USH2A: variants seen among roughly 807,000 people sequenced by gnomAD.
USH2A encodes Usher syndrome 2A (autosomal recessive, mild).
In USH2A, 443 loss-of-function variants were observed where a neutral mutation model predicts 538.9. The observed-to-expected ratio is 0.82, with a 90% CI of 0.76 to 0.89. The LOEUF is 0.89. Ranked by LOEUF, USH2A falls within the 40% of genes least tolerant of loss-of-function variation. The pLI, the probability that USH2A is intolerant of heterozygous loss-of-function variation, is 0.00. For missense variants in USH2A, 6,633 were observed against 6,324.8 expected (o/e 1.05, Z -1.65); for synonymous variants, 2,413 against 2,273.5 (o/e 1.06, Z -1.75).
At chr1:215,799,402 T>C (rs1028865604) in intron 49 of USH2A, among the ~76,000 whole-genome samples, 1 of 152,160 alleles carries the variant, frequency 6.6e-6, no homozygotes, top group African/African-American at 2.4e-5. Context: ...TGTGGCATTA[T>C]AGAAAAACAT....
intron 4 of USH2A, among the ~76,000 whole-genome samples, chr1:216,342,238 A>G (rs2038090134): frequency 6.6e-6 from 1 of 152,224 alleles, no homozygotes; most frequent in Non-Finnish European, 1.5e-5. Context: ...AAACATTTTT[A>G]AAAAGCTTAA....
In USH2A at chr1:215,647,763, G is replaced by A. The variant is rs374304512; in HGVS notation, c.14583-33C>T. ...GAGAATGGATACGTAGAGTCAAGAC[G>A]GGTAATGGAATTAGTTTAACTCTCT... is the stretch of plus-strand genomic sequence containing the variant. On this transcript the variant is annotated intron_variant, in intron 66 of 71. Coordinates refer to ENST00000307340, the MANE Select transcript of USH2A (RefSeq NM_206933.4). The A allele has an allele frequency of 4.0e-4, 643 of 1,608,168 alleles. 1 individual carries two copies. Among genetic ancestry groups the A allele is most frequent in the Non-Finnish European group, 5.1e-4 (595 of 1,175,138 alleles).
At chr1:216,291,185 G>C (rs904071665) in intron 10 of USH2A, among the ~76,000 whole-genome samples, 2 of 151,958 alleles carry the variant, frequency 1.3e-5, no homozygotes, top group African/African-American at 4.8e-5. Context: ...TGGCTCCAGA[G>C]TCCTCTATGA....
At chr1:215,839,029 C>A (rs578236479) in intron 46 of USH2A, among the ~76,000 whole-genome samples, 6 of 152,116 alleles carry the variant, frequency 3.9e-5, no homozygotes, top group Admixed American at 3.3e-4. Flanking sequence ...CTTGTATTTA[C>A]TAGATATGCT....
At chr1:215,731,100 C>T (rs530056764) in intron 60 of USH2A, among the ~76,000 whole-genome samples, 10 of 152,248 alleles carry the variant, frequency 6.6e-5, no homozygotes, top group African/African-American at 2.2e-4. Flanking sequence ...TAAACTCTCA[C>T]GAATTCCCAA....
At chr1:215,926,765 C>T (rs2102493166) in intron 38 of USH2A, among the ~76,000 whole-genome samples, 1 of 151,968 alleles carries the variant, frequency 6.6e-6, no homozygotes, top group East Asian at 1.9e-4. Context: ...TTACAACATG[C>T]CCGGCTAAGT....
At chr1:216,345,794 C>A (rs1235669151) in intron 4 of USH2A, among the ~76,000 whole-genome samples, 1 of 152,098 alleles carries the variant, frequency 6.6e-6, no homozygotes, top group East Asian at 1.9e-4. Context: ...GGAGCTTGAC[C>A]TTGTGACCAC....
In USH2A at chr1:215,846,080, A is replaced by AG. The variant is rs756750921; in HGVS notation, c.8846-48dup. On this transcript the variant is annotated intron_variant, in intron 44 of 71. Coordinates refer to ENST00000307340, the MANE Select transcript of USH2A (RefSeq NM_206933.4). The stretch of plus-strand genomic sequence containing the variant: ...CATGGTGAATGTAGCTGAGGCTTTC[A>AG]GGGGAAAAAAAAAATTCTATCATTA... 1.2e-4 allele frequency: 187 copies of AG among 1,573,160 alleles called. 1 individual carries two copies. In the East Asian group the frequency reaches 4.2e-3, roughly 35 times the overall value.
chr1:215,836,808 G>A (rs1046406139), intron 47 of USH2A, among the ~76,000 whole-genome samples: 9 of 149,988 alleles, frequency 6.0e-5, no homozygotes, highest in Admixed American at 4.0e-4. Context: ...CGCCCGCCTC[G>A]GCCTCCCAAA....
rs1366803281 is a variant in USH2A, at chr1:216,174,075, CAGTT to C, written c.4627+1173_4627+1176del. 10 of 984,950 alleles carry C rather than the reference CAGTT, an allele frequency of 1.0e-5. No individual in the cohort carries two copies. The South Asian group carries it at 4.2e-4, about 42-fold the overall frequency. The allele number at this position is 984,950 out of a possible 1,614,324, so 61.0% of individuals were successfully genotyped here. ...ATCATGCATTAATCTCAATATATCT[CAGTT>C]AGAATATAATCATGATTCATTACCA... On this transcript the variant is annotated intron_variant, in intron 21 of 71. Transcript: ENST00000307340.
intron 32 of USH2A, among the ~76,000 whole-genome samples, chr1:216,020,948 CTG>C (rs1668831298): frequency 6.6e-6 from 1 of 152,134 alleles, no homozygotes; most frequent in African/African-American, 2.4e-5. Context: ...GAACCCAAGA[CTG>C]TGTAGCTCAG....
chr1:216,133,533 A>G (rs778830568), intron 21 of USH2A, among the ~76,000 whole-genome samples: 6 of 152,098 alleles, frequency 3.9e-5, no homozygotes, highest in Non-Finnish European at 5.9e-5. Context: ...ATGTGTGCGT[A>G]GCTCCCTCAT....
intron 3 of USH2A, among the ~76,000 whole-genome samples, chr1:216,414,411 G>A (rs2039542765): frequency 6.6e-6 from 1 of 152,038 alleles, no homozygotes; most frequent in South Asian, 2.1e-4. Flanking sequence ...TAGCAATATT[G>A]AGCATATTGT....
At chr1:216,231,233 CATATATATATATATATTATATATATAAT>C (rs1313884338) in intron 14 of USH2A, among the ~76,000 whole-genome samples, 3 of 49,334 alleles carry the variant, frequency 6.1e-5, no homozygotes, top group African/African-American at 7.6e-5. Context: ...ACATATATCC[CATATATATATATATATTATATATATAAT>C]ATATATATAT....
chr1:215,775,346 G>T (rs1225890125), intron 55 of USH2A, among the ~76,000 whole-genome samples: 4 of 152,106 alleles, frequency 2.6e-5, no homozygotes, highest in Non-Finnish European at 5.9e-5. Context: ...CAATTTTGTT[G>T]CCAGATCTGT....
At chr1:215,701,807 C>A (rs1659026551) in intron 61 of USH2A, among the ~76,000 whole-genome samples, 1 of 152,090 alleles carries the variant, frequency 6.6e-6, no homozygotes, top group African/African-American at 2.4e-5. Flanking sequence ...GGGCATTTAG[C>A]CCATTTACAT....
chr1:215,692,179 CT>C (rs1252872742), intron 61 of USH2A, among the ~76,000 whole-genome samples: 4 of 152,036 alleles, frequency 2.6e-5, no homozygotes, highest in Admixed American at 6.5e-5. Flanking sequence ...TGATATGAGC[CT>C]TTTAATGGAG....
At chr1:216,366,574 T>C (rs569164951) in intron 3 of USH2A, among the ~76,000 whole-genome samples, 10 of 151,718 alleles carry the variant, frequency 6.6e-5, no homozygotes, top group Admixed American at 6.6e-4. Flanking sequence ...TAAAAATCTT[T>C]TTCAATGTCC....
At chr1:216,377,771 AAG>A (rs2038850164) in intron 3 of USH2A, among the ~76,000 whole-genome samples, 1 of 135,374 alleles carries the variant, frequency 7.4e-6, no homozygotes, top group South Asian at 2.6e-4. Flanking sequence ...AAGAGAAGGA[AAG>A]AAATAAAAAG....
Sources: gnomAD v4.1 joint callset for allele counts (sites outside exome capture counted in the v4.1 genomes callset) on GRCh38, gnomAD v4.1.1 for gene constraint, MANE v1.5 for transcripts, NCBI Gene and HGNC (gene_info 2026-07-23, HGNC 2026-07-21) for gene names.